SRGAP3: variants seen among roughly 807,000 people sequenced by gnomAD.
SRGAP3 encodes SLIT-ROBO Rho GTPase activating protein 3, also known as SLIT-ROBO Rho GTPase-activating protein 3.
A neutral mutation model predicts 121.1 loss-of-function variants in SRGAP3; 39 were observed. The ratio of observed to expected loss-of-function variants is 0.32; its 90% CI spans 0.25 to 0.42. The LOEUF (loss-of-function observed/expected upper bound fraction) is 0.42. Ranked by LOEUF, SRGAP3 falls within the 10% of genes least tolerant of loss-of-function variation. SRGAP3 has a pLI of 1.00. For missense variants in SRGAP3, 1,213 were observed against 1,470.6 expected, an observed-to-expected ratio of 0.82 and a Z score of 2.86; for synonymous variants, 601 against 570.0, an observed-to-expected ratio of 1.05 and a Z score of -0.77.
intron 1 of SRGAP3, among the ~76,000 whole-genome samples, chr3:9,147,905 C>T (rs1351149847): frequency 6.6e-6 from 1 of 152,178 alleles, no homozygotes; most frequent in African/African-American, 2.4e-5. Context: ...GGTGTCACCA[C>T]ACTCTGGCCT....
At chr3:9,326,503 T>C (rs1955521559) in intron 2 of SRGAP3, among the ~76,000 whole-genome samples, 1 of 151,732 alleles carries the variant, frequency 6.6e-6, no homozygotes, top group Admixed American at 6.5e-5. Flanking sequence ...TGGCGAGTCA[T>C]GGAATGCAGA....
At chr3:9,271,730 C>T (rs1173924589) in intron 3 of SRGAP3, among the ~76,000 whole-genome samples, 7 of 152,232 alleles carry the variant, frequency 4.6e-5, no homozygotes, top group African/African-American at 1.7e-4. Context: ...AAAAACCCTA[C>T]AGCCAAAGCA....
chr3:9,068,294 C>G (rs184515103), intron 4 of SRGAP3, among the ~76,000 whole-genome samples: 21 of 152,352 alleles, frequency 1.4e-4, no homozygotes, highest in Non-Finnish European at 2.5e-4. Context: ...TCAAGGTCAA[C>G]AGCCCAGCTG....
At chr3:9,081,199 A>G (rs1947228041) in intron 3 of SRGAP3, 1 of 455,750 alleles carries the variant, frequency 2.2e-6, no homozygotes, top group Non-Finnish European at 4.4e-6. Flanking sequence ...TTTGACTCCA[A>G]ATTTCAGCTC....
chr3:9,302,872 C>T (rs964544116), intron 3 of SRGAP3, among the ~76,000 whole-genome samples: 1 of 152,124 alleles, frequency 6.6e-6, no homozygotes, highest in Admixed American at 6.5e-5. Context: ...CTCTGAACCT[C>T]AGAATTCGAA....
chr3:9,273,223 G>A (rs1486972645), intron 3 of SRGAP3, among the ~76,000 whole-genome samples: 7 of 152,186 alleles, frequency 4.6e-5, no homozygotes, highest in African/African-American at 1.7e-4. Context: ...TCTGATAGGA[G>A]GTGGAGCTTG....
chr3:9,130,515 G>C (rs553047453), intron 1 of SRGAP3, among the ~76,000 whole-genome samples: 2 of 152,188 alleles, frequency 1.3e-5, no homozygotes, highest in Non-Finnish European at 2.9e-5. Flanking sequence ...CAGCTCAGGA[G>C]GAAGTCGCTA....
At chr3:9,336,059 T>C (rs1955687628) in intron 1 of SRGAP3, among the ~76,000 whole-genome samples, 2 of 152,180 alleles carry the variant, frequency 1.3e-5, no homozygotes, top group African/African-American at 2.4e-5. Flanking sequence ...TTTTTCTCTA[T>C]TCATTTGTAA....
intron 1 of SRGAP3, among the ~76,000 whole-genome samples, chr3:9,221,222 A>T (rs1389440855): frequency 6.6e-6 from 1 of 151,956 alleles, no homozygotes; most frequent in African/African-American, 2.4e-5. Context: ...TTCCCTCAAC[A>T]CATTTCCCAC....
At position 9,232,290 on chromosome 3, in the gene SRGAP3, C is replaced by T. The variant is rs79456653; in HGVS notation, c.67+16595G>A. 1.8e-3 allele frequency among the ~76,000 whole-genome samples: 277 copies of T among 152,186 alleles called. 3 individuals are homozygous for T. In the East Asian group the frequency reaches 0.025, roughly 14 times the overall value. On this transcript the variant is annotated intron_variant, in intron 1 of 21. Coordinates refer to ENST00000383836, the MANE Select transcript of SRGAP3 (RefSeq NM_014850.4). ...CAAAGTCCTTACTTACTGTCAACTT[C>T]GTGGAATTTTAAATCAGAAAAGGAA...
chr3:9,329,715 C>T (rs1955574558), intron 2 of SRGAP3, among the ~76,000 whole-genome samples: 3 of 152,190 alleles, frequency 2.0e-5, no homozygotes, highest in Middle Eastern at 3.2e-3. Context: ...GTTCAGGTGG[C>T]CACTTGTTAG....
In SRGAP3 at chr3:9,170,315, C is replaced by T. The variant is rs572374199; in HGVS notation, c.68-45398G>A. On this transcript the variant is annotated intron_variant, in intron 1 of 21. Coordinates refer to ENST00000383836, the MANE Select transcript of SRGAP3 (RefSeq NM_014850.4). ...ACTCCATACACTTGAGACTTGGTAA[C>T]ATTGTCTTAGTATTTGGCTTGAATG... 8.5e-5 allele frequency among the ~76,000 whole-genome samples: 13 copies of T among 152,310 alleles called. No individual in the cohort carries two copies. In the South Asian group the frequency reaches 2.7e-3, roughly 32 times the overall value.
intron 2 of SRGAP3, among the ~76,000 whole-genome samples, chr3:9,115,352 T>C (rs1948765920): frequency 6.6e-6 from 1 of 152,256 alleles, no homozygotes; most frequent in Non-Finnish European, 1.5e-5. Context: ...CCCGTACATA[T>C]TACTGTTTGT....
At chr3:9,285,923 T>C (rs886556635) in intron 3 of SRGAP3, among the ~76,000 whole-genome samples, 2 of 149,442 alleles carry the variant, frequency 1.3e-5, no homozygotes, top group Non-Finnish European at 3.0e-5. Context: ...GCCTGGGCAA[T>C]ACAGTGAGAT....
chr3:9,252,810 C>G (rs1954047597), upstream of SRGAP3, among the ~76,000 whole-genome samples: 1 of 152,136 alleles, frequency 6.6e-6, no homozygotes, highest in Non-Finnish European at 1.5e-5. Flanking sequence ...CAATGTTTAC[C>G]CTTCACATGG....
At chr3:9,066,908 A>T (rs573337562) in intron 4 of SRGAP3, among the ~76,000 whole-genome samples, 2 of 152,314 alleles carry the variant, frequency 1.3e-5, no homozygotes, top group African/African-American at 4.8e-5. Flanking sequence ...ATGGAAGGTA[A>T]GAATATGGAC....
chr3:9,208,149 A>T (rs903388264), intron 1 of SRGAP3, among the ~76,000 whole-genome samples: 3 of 152,122 alleles, frequency 2.0e-5, no homozygotes, highest in Non-Finnish European at 4.4e-5. Context: ...CTGAGGAAGC[A>T]GTGAATGAGC....
chr3:9,136,300 G>A (rs115852718), intron 1 of SRGAP3, among the ~76,000 whole-genome samples: 7 of 151,964 alleles, frequency 4.6e-5, no homozygotes, highest in African/African-American at 1.7e-4. Context: ...CCGAGGGTCC[G>A]CAGGATCCGT....
chr3:9,349,083 T>C (rs2029920293), intron 1 of SRGAP3: 8 of 928,924 alleles, frequency 8.6e-6, no homozygotes, highest in Non-Finnish European at 1.4e-5. Flanking sequence ...GGTATTCCCG[T>C]TGTCTATGAA....
Sources: gnomAD v4.1 joint callset for allele counts (sites outside exome capture counted in the v4.1 genomes callset) on GRCh38, gnomAD v4.1.1 for gene constraint, MANE v1.5 for transcripts, NCBI Gene and HGNC (gene_info 2026-07-23, HGNC 2026-07-21) for gene names.